The following MAP2K2 variants were observed in gnomAD, a reference collection of about 807,000 sequenced individuals.
The protein encoded by MAP2K2 is mitogen-activated protein kinase kinase 2.
MAP2K2 carries 24 observed loss-of-function variants against 43.7 expected under a neutral mutation model. That is an observed-to-expected ratio of 0.55 (90% CI 0.40 to 0.77). The LOEUF is 0.77. MAP2K2 is among the 30% of genes least tolerant of loss of function. MAP2K2 has a pLI of 0.00. For missense variants in MAP2K2, 470 were observed against 566.8 expected, an observed-to-expected ratio of 0.83 and a Z score of 1.73; for synonymous variants, 244 against 239.7, an observed-to-expected ratio of 1.02 and a Z score of -0.17.
chr19:4,114,253 C>T (rs771968390), intron 2 of MAP2K2, among the ~76,000 whole-genome samples: 23 of 152,210 alleles, frequency 1.5e-4, no homozygotes, highest in Admixed American at 3.9e-4. Context: ...GGTTCGAATC[C>T]GATTCAGGCA....
intron 6 of MAP2K2, 133 bp from the exon 7 acceptor site, chr19:4,099,547 C>T (rs1380163520): frequency 2.6e-5 from 19 of 739,496 alleles, no homozygotes; most frequent in Middle Eastern, 3.1e-4. Flanking sequence ...AGAGCTGTTA[C>T]GCAATTCTAC....
At position 4,095,084 on chromosome 19, in the gene MAP2K2, CA is replaced by C. The variant is rs574248280; in HGVS notation, c.1046+303del. 1,284 of 399,166 alleles carry C rather than the reference CA, an allele frequency of 3.2e-3. 13 individuals are homozygous for C. Among genetic ancestry groups the C allele is most frequent in the African/African-American group, 0.023 (1,131 of 49,744 alleles). 24.7% of individuals were successfully genotyped at this position (399,166 alleles called of 1,614,324 possible). On this transcript the variant is annotated intron_variant, in intron 9 of 10. Transcript: ENST00000262948. ...CCCGGGGAGCCCACAGTCAGCACAC[CA>C]GGGGTCCGGGGACCAGACAGAGGCT...
At position 4,105,776 on chromosome 19, in the gene MAP2K2, C is replaced by A. The variant is rs374997824; in HGVS notation, c.451-3323G>T. On this transcript the variant is annotated intron_variant, in intron 3 of 10. Transcript: ENST00000262948. ...GCAGCCTCCACCTCCTTGGTTCAGGCAGTCCTCCCACCTCAGCTTCCCAAG... is the reference window on the plus strand; with the variant it reads ...GCAGCCTCCACCTCCTTGGTTCAGGAAGTCCTCCCACCTCAGCTTCCCAAG... Among the ~76,000 whole-genome samples the A allele has an allele frequency of 3.9e-5, 6 of 152,128 alleles. No individual in the cohort carries two copies. The East Asian group carries it at 1.2e-3, about 29-fold the overall frequency.
intron 1 of MAP2K2, among the ~76,000 whole-genome samples, chr19:4,120,325 AT>A (rs951349189): frequency 6.6e-6 from 1 of 151,958 alleles, no homozygotes. Context: ...ATGAATATTT[AT>A]TTTTTTTGAG....
At position 4,095,350 on chromosome 19, in the gene MAP2K2, G is replaced by C. The variant is rs541565088; in HGVS notation, c.1046+38C>G. The stretch of plus-strand genomic sequence containing the variant: ...GACCCGGAAGGAGTGGCACATCTGG[G>C]TCCCGGCCAGGGGTGTGGGCAGCCC... On this transcript the variant is annotated intron_variant, in intron 9 of 10. Coordinates refer to ENST00000262948, the MANE Select transcript of MAP2K2 (RefSeq NM_030662.4). The C allele has an allele frequency of 2.6e-6, 4 of 1,544,338 alleles. No individual in the cohort carries two copies. The Admixed American group carries it at 7.9e-5, about 30-fold the overall frequency.
chr19:4,097,324 C>A lies in MAP2K2; in HGVS notation c.939G>T (p.Arg313=), dbSNP rs397517417. 5.3e-5 allele frequency: 86 copies of A among 1,613,018 alleles called. No individual in the cohort carries two copies. Among genetic ancestry groups the A allele is most frequent in the Non-Finnish European group, 6.9e-5 (81 of 1,179,840 alleles). ...GGAGTTCAAAGATGGCCATGGCAGG[C>A]CGGCTATCCATCCCGTGACCTGCAC... ...RPVSGHGMDS[R]PAMAIFELLD... Residue 313 remains arginine (R), a synonymous_variant, in exon 8 of 11, where the codon CGG becomes CGT. Coordinates refer to ENST00000262948, the MANE Select transcript of MAP2K2 (RefSeq NM_030662.4).
At chr19:4,111,974 A>C (rs2041158999) in intron 2 of MAP2K2, among the ~76,000 whole-genome samples, 1 of 145,748 alleles carries the variant, frequency 6.9e-6, no homozygotes, top group South Asian at 2.1e-4. Context: ...CCAAAAAAAC[A>C]AAACAACAAC....
intron 1 of MAP2K2, among the ~76,000 whole-genome samples, chr19:4,120,039 C>A (rs567363170): frequency 6.6e-6 from 1 of 152,274 alleles, no homozygotes; most frequent in East Asian, 1.9e-4. Context: ...AACACCATCT[C>A]ATTCCATTCT....
chr19:4,095,756 C>A (rs1298144666), intron 8 of MAP2K2, among the ~76,000 whole-genome samples: 3 of 152,262 alleles, frequency 2.0e-5, no homozygotes, highest in Admixed American at 6.5e-5. Flanking sequence ...GGGACTGGGC[C>A]CCACAGAGGG....
chr19:4,108,518 G>C (rs1172249055), intron 3 of MAP2K2, among the ~76,000 whole-genome samples: 3 of 151,772 alleles, frequency 2.0e-5, no homozygotes. Context: ...AAAGTGCTGG[G>C]ATTACAGGTG....
intron 6 of MAP2K2, chr19:4,100,009 G>A (rs1450763437): frequency 6.3e-6 from 1 of 158,794 alleles, no homozygotes; most frequent in Non-Finnish European, 1.4e-5. Context: ...CAGCACTTTG[G>A]GAGGCCGAGG....
rs1324253510 is a variant in MAP2K2, at chr19:4,097,317, T to C, written c.946A>G (p.Met316Val). Residue 316 changes from methionine to valine, a missense_variant, in exon 8 of 11, where the codon ATG (methionine) becomes GTG (valine). Physicochemically the swap from Met to Val is conservative, Grantham distance 21 (BLOSUM62 1). This residue lies in a region of MAP2K2 where 212 missense variants were observed against 220.8 expected (regional missense o/e 0.96). Transcript: ENST00000262948. The part of the protein sequence containing the change: ...SGHGMDSRPA[M>V]AIFELLDYIV... ...TAGTCCAGGAGTTCAAAGATGGCCATGGCAGGCCGGCTATCCATCCCGTGA... is the reference window on the plus strand; with the variant it reads ...TAGTCCAGGAGTTCAAAGATGGCCACGGCAGGCCGGCTATCCATCCCGTGA... 2 of 1,611,818 alleles carry C rather than the reference T, an allele frequency of 1.2e-6. No homozygotes were observed. The highest frequency in any genetic ancestry group is 1.7e-6 in the Non-Finnish European group (2 of 1,179,586).
intron 6 of MAP2K2, 58 bp downstream of exon 6, chr19:4,100,961 G>A (rs2145053413): frequency 1.3e-6 from 2 of 1,545,580 alleles, no homozygotes; most frequent in Non-Finnish European, 1.7e-6. Flanking sequence ...TGGGTGGGGA[G>A]AGCTTGGGGG....
intron 9 of MAP2K2, chr19:4,095,001 G>T (rs958501592): frequency 5.6e-6 from 2 of 357,456 alleles, no homozygotes; most frequent in Non-Finnish European, 1.1e-5. Flanking sequence ...GCTGCTGGGT[G>T]CTTGGGGGCA....
At chr19:4,095,766 G>C (rs1290216193) in intron 8 of MAP2K2, among the ~76,000 whole-genome samples, 2 of 152,104 alleles carry the variant, frequency 1.3e-5, no homozygotes, top group Non-Finnish European at 2.9e-5. Flanking sequence ...CCCACAGAGG[G>C]ACATCTGGAT....
chr19:4,099,704 G>A (rs1462836809), intron 6 of MAP2K2: 1 of 474,964 alleles, frequency 2.1e-6, no homozygotes, highest in Non-Finnish European at 3.8e-6. Context: ...CAGGAAGCAG[G>A]GGCCTCCTCC....
chr19:4,099,459 G>A (rs2145050763), intron 6 of MAP2K2, 45 bp from the exon 7 acceptor site: 1 of 1,507,816 alleles, frequency 6.6e-7, no homozygotes, highest in East Asian at 2.4e-5. Context: ...GGCGAGGATG[G>A]CAGCTGGAAC....
At chr19:4,090,997 G>A (rs564105863) in intron 10 of MAP2K2, among the ~76,000 whole-genome samples, 61 of 152,336 alleles carry the variant, frequency 4.0e-4, no homozygotes, top group African/African-American at 1.4e-3. Flanking sequence ...CTACGCTCGC[G>A]CAAGCCCAGG....
Position 4,094,512 on chromosome 19 carries a change from G to A in MAP2K2, c.1047-14C>T. On this transcript the variant is annotated splice_polypyrimidine_tract_variant and intron_variant, in intron 9 of 10. Coordinates refer to ENST00000262948, the MANE Select transcript of MAP2K2 (RefSeq NM_030662.4). Reference sequence around the variant, plus strand: ...TTCTTGATGAGGCTGGGGGTTCCAAGAGGCAGGACCGGGAGGCGGTGGAGG... The same window carrying A: ...TTCTTGATGAGGCTGGGGGTTCCAAAAGGCAGGACCGGGAGGCGGTGGAGG... 6.4e-7 allele frequency: 1 copy of A among 1,565,638 alleles called. No homozygotes were observed. The highest frequency in any genetic ancestry group is 1.2e-5 in the South Asian group (1 of 85,204).
Sources: gnomAD v4.1 joint callset for allele counts (sites outside exome capture counted in the v4.1 genomes callset) on GRCh38, gnomAD v4.1.1 for gene constraint, gnomAD v4.1.1 regional missense constraint, MANE v1.5 for transcripts, NCBI Gene and HGNC (gene_info 2026-07-23, HGNC 2026-07-21) for gene names.